Variants in DTHD1 observed in about 807,000 individuals in gnomAD.
DTHD1 encodes the protein death domain containing 1, also known as death domain-containing protein 1.
A neutral mutation model predicts 74.8 loss-of-function variants in DTHD1; 59 were observed. That is an observed-to-expected ratio of 0.79 (90% CI 0.64 to 0.98). The LOEUF is 0.98. Ranked by LOEUF, DTHD1 falls within the 50% of genes least tolerant of loss-of-function variation. The probability of loss-of-function intolerance (pLI) is 0.00; values close to 1 mark genes in which losing one functional copy is unlikely to be tolerated. For synonymous variants in DTHD1, 365 were observed against 371.1 expected, an observed-to-expected ratio of 0.98 and a Z score of 0.19; for missense variants, 1,051 against 1,065.4, an observed-to-expected ratio of 0.99 and a Z score of 0.19.
Position 36,316,376 on chromosome 4 carries a change from G to C in DTHD1, c.2230G>C (p.Val744Leu). ...CCCTCATTACAAAGGCACCATTGTCGTTTATAAAGTACCTAAAGGAAAGAT... is the reference window on the plus strand; with the variant it reads ...CCCTCATTACAAAGGCACCATTGTCCTTTATAAAGTACCTAAAGGAAAGAT... Reference protein sequence around the residue: ...SCPHYKGTIVVYKVPKGKIVP... With the variant: ...SCPHYKGTIVLYKVPKGKIVP... Residue 744 changes from valine (V) to leucine (L), a missense_variant, in exon 8 of 10, where the codon GTT becomes CTT. Val to Leu is a conservative substitution (Grantham distance 32). Transcript: ENST00000639862. 3 of 1,552,072 alleles carry C rather than the reference G, an allele frequency of 1.9e-6. No individual in the cohort carries two copies. Among genetic ancestry groups the C allele is most frequent in the Non-Finnish European group, 2.6e-6 (3 of 1,147,066 alleles).
rs964708128 is a variant in DTHD1 at position 36,346,015 on chromosome 4, C to T, written c.*2191C>T. 1.3e-5 allele frequency among the ~76,000 whole-genome samples: 2 copies of T among 152,008 alleles called. No homozygotes were observed. Among genetic ancestry groups the T allele is most frequent in the African/African-American group, 4.8e-5 (2 of 41,394 alleles). On this transcript the variant is annotated 3_prime_UTR_variant, in exon 10 of 10. Coordinates refer to ENST00000639862, the MANE Select transcript of DTHD1 (RefSeq NM_001170700.3). ...CTGTTTCGGGTCCACTTGTGCACCT[C>T]ACATATGCTGTCACAAACACACCCC...
At chr4:36,298,248 CTACTG>C (rs1756561873) in intron 5 of DTHD1, among the ~76,000 whole-genome samples, 1 of 152,036 alleles carries the variant, frequency 6.6e-6, no homozygotes, top group Non-Finnish European at 1.5e-5. Context: ...CCACATTCTA[CTACTG>C]TAGCAATAAT....
chr4:36,329,797 C>A (rs757584198), intron 8 of DTHD1, among the ~76,000 whole-genome samples: 2 of 152,186 alleles, frequency 1.3e-5, no homozygotes, highest in Non-Finnish European at 2.9e-5. Context: ...GTTTTCACAT[C>A]TCCTTAACAA....
Position 36,290,495 on chromosome 4 carries a change from G to T in DTHD1, c.1010G>T (p.Gly337Val). ...IINHMSSLIV[G>V]DNEELVSNVI... Reference sequence around the variant, plus strand: ...AATCACATGAGTTCTTTAATAGTGGGTGATAATGAAGAGTTAGTTAGCAAC... The same window carrying T: ...AATCACATGAGTTCTTTAATAGTGGTTGATAATGAAGAGTTAGTTAGCAAC... The change falls in exon 3 of 10, where the codon GGT (glycine) becomes GTT (valine). Residue 337 changes from glycine to valine, a missense_variant. By Grantham distance (109) the Gly-to-Val change is moderately radical. Transcript: ENST00000639862. 6.4e-7 allele frequency: 1 copy of T among 1,551,704 alleles called. No homozygotes were observed. Among genetic ancestry groups the T allele is most frequent in the African/African-American group, 1.4e-5 (1 of 73,150 alleles).
intron 5 of DTHD1, among the ~76,000 whole-genome samples, chr4:36,298,576 A>G (rs1215445592): frequency 2.0e-5 from 3 of 152,216 alleles, no homozygotes; most frequent in Non-Finnish European, 4.4e-5. Context: ...CTATGGAAAC[A>G]GAAACACAAA....
At chr4:36,318,929 C>A (rs1183178094) in intron 8 of DTHD1, among the ~76,000 whole-genome samples, 7 of 152,138 alleles carry the variant, frequency 4.6e-5, no homozygotes, top group African/African-American at 9.7e-5. Flanking sequence ...TGTGCATTTT[C>A]ATTTCCACCA....
At chr4:36,321,800 T>C (rs1758050462) in intron 8 of DTHD1, among the ~76,000 whole-genome samples, 1 of 152,114 alleles carries the variant, frequency 6.6e-6, no homozygotes, top group African/African-American at 2.4e-5. Context: ...CCAGCTTCCA[T>C]CAGAATAAAG....
Position 36,290,638 on chromosome 4 carries a change from G to T in DTHD1, c.1153G>T (p.Asp385Tyr). The change falls in exon 3 of 10, where the codon GAC (aspartate) becomes TAC (tyrosine). Residue 385 changes from aspartate to tyrosine, a missense_variant. Transcript: ENST00000639862. ...CAGAGATATCATGGTGAAAGTGTGT[G>T]ACATAAACCTTCAATCAAGTTACCT... Reference protein sequence around the residue: ...NYRDIMVKVCDINLQSSYLNP... With the variant: ...NYRDIMVKVCYINLQSSYLNP... 1 of 1,548,328 alleles carries T rather than the reference G, an allele frequency of 6.5e-7. No individual in the cohort carries two copies. The highest frequency in any genetic ancestry group is 1.2e-5 in the South Asian group (1 of 84,026).
At chr4:36,308,132 G>T (rs1757163260) in intron 6 of DTHD1, 72 bp from the exon 7 acceptor site, 1 of 1,367,758 alleles carries the variant, frequency 7.3e-7, no homozygotes, top group African/African-American at 1.5e-5. Context: ...CTTTTCTTGG[G>T]TGTTATTAGA....
intron 5 of DTHD1, among the ~76,000 whole-genome samples, chr4:36,296,112 A>C (rs1451599758): frequency 6.6e-6 from 1 of 152,178 alleles, no homozygotes; most frequent in Non-Finnish European, 1.5e-5. Context: ...TATGTAAAAA[A>C]GGAATGAAAT....
intron 5 of DTHD1, 31 bp from the exon 6 acceptor site, chr4:36,306,160 T>C (rs189662174): frequency 2.6e-6 from 4 of 1,524,404 alleles, no homozygotes; most frequent in Middle Eastern, 3.4e-4. Flanking sequence ...ATGTAAATTG[T>C]ACCAATATCT....
Position 36,296,668 on chromosome 4 carries a change from G to T in DTHD1, c.1643+1629G>T, listed in dbSNP as rs183234422. Among the ~76,000 whole-genome samples, 5 of 151,844 alleles carry T rather than the reference G, an allele frequency of 3.3e-5. No homozygotes were observed. The East Asian group carries it at 9.7e-4, about 29-fold the overall frequency. ...TATTTTTAAATACTTTATATGATGT[G>T]CTTGGGTAATTTCCTTAGGTTTATT... On this transcript the variant is annotated intron_variant, in intron 5 of 9. Transcript: ENST00000639862.
intron 5 of DTHD1, among the ~76,000 whole-genome samples, chr4:36,295,705 T>G (rs1171671049): frequency 6.6e-6 from 1 of 152,136 alleles, no homozygotes; most frequent in Admixed American, 6.5e-5. Context: ...ATTTTATAAG[T>G]TTAGTTGTAG....
intron 8 of DTHD1, among the ~76,000 whole-genome samples, chr4:36,319,955 TC>T (rs1483721116): frequency 1.3e-5 from 2 of 152,204 alleles, no homozygotes; most frequent in African/African-American, 4.8e-5. Context: ...AAGGAAGCCT[TC>T]CCTCACTCCT....
chr4:36,324,503 A>C (rs1758226753), intron 8 of DTHD1, among the ~76,000 whole-genome samples: 1 of 152,216 alleles, frequency 6.6e-6, no homozygotes. Context: ...TAATAAGTAA[A>C]AAGTTATGCT....
intron 5 of DTHD1, among the ~76,000 whole-genome samples, chr4:36,300,961 T>C (rs550926220): frequency 1.3e-5 from 2 of 152,218 alleles, no homozygotes; most frequent in Non-Finnish European, 2.9e-5. Flanking sequence ...TCCCTGTGAA[T>C]TGGAATGCCA....
At chr4:36,318,957 C>T (rs568712972) in intron 8 of DTHD1, among the ~76,000 whole-genome samples, 2 of 152,268 alleles carry the variant, frequency 1.3e-5, no homozygotes, top group Admixed American at 6.5e-5. Context: ...TTGCACCATA[C>T]GGCCGTTACT....
At chr4:36,285,526 CA>C (rs1450178178) in intron 2 of DTHD1, among the ~76,000 whole-genome samples, 1 of 151,874 alleles carries the variant, frequency 6.6e-6, no homozygotes, top group Admixed American at 6.6e-5. Flanking sequence ...TGAGAAAGAC[CA>C]ATCTATTTTA....
At chr4:36,333,093 C>T (rs902565389) in intron 8 of DTHD1, among the ~76,000 whole-genome samples, 2 of 151,854 alleles carry the variant, frequency 1.3e-5, no homozygotes, top group African/African-American at 2.4e-5. Flanking sequence ...AATGCATGCA[C>T]ATATTTTATA....
Sources: allele counts gnomAD v4.1 joint callset (sites outside exome capture counted in the v4.1 genomes callset), GRCh38; gene constraint gnomAD v4.1.1; transcripts MANE v1.5; gene names NCBI Gene and HGNC (gene_info 2026-07-23, HGNC 2026-07-21).